CPQ: variants seen among roughly 807,000 people sequenced by gnomAD.
CPQ encodes the protein Ser-Met dipeptidase.
A neutral mutation model predicts 45.7 loss-of-function variants in CPQ; 37 were observed. The observed-to-expected ratio is 0.81, with a 90% CI of 0.62 to 1.07. The LOEUF (loss-of-function observed/expected upper bound fraction) is 1.07. CPQ is among the 50% of genes least tolerant of loss of function. The pLI is 0.00. For missense variants in CPQ, 537 were observed against 572.9 expected (o/e 0.94, Z 0.64); for synonymous variants, 186 against 205.8 (o/e 0.90, Z 0.82).
chr8:97,095,790 AC>A (rs1196237770), intron 7 of CPQ, among the ~76,000 whole-genome samples: 2 of 152,156 alleles, frequency 1.3e-5, no homozygotes, highest in African/African-American at 4.8e-5. Context: ...GTTAGCAATC[AC>A]TATTGTTGTT....
At chr8:96,706,116 C>T (rs966229287) in intron 1 of CPQ, among the ~76,000 whole-genome samples, 1 of 152,148 alleles carries the variant, frequency 6.6e-6, no homozygotes, top group Non-Finnish European at 1.5e-5. Flanking sequence ...TGCTGACAGC[C>T]TGTCTTTGTT....
intron 4 of CPQ, among the ~76,000 whole-genome samples, chr8:96,880,251 G>C (rs1812203188): frequency 6.6e-6 from 1 of 151,992 alleles, no homozygotes; most frequent in African/African-American, 2.4e-5. Flanking sequence ...TGGAGAAAAA[G>C]GAACACTTAT....
intron 1 of CPQ, among the ~76,000 whole-genome samples, chr8:96,687,289 C>T (rs923853015): frequency 6.6e-6 from 1 of 151,508 alleles, no homozygotes; most frequent in East Asian, 1.9e-4. Context: ...CTTAGCTCAT[C>T]GCAACCTCCG....
chr8:96,648,043 A>G (rs16894982), intron 1 of CPQ, among the ~76,000 whole-genome samples: 9,114 of 152,292 alleles, frequency 0.06, 376 homozygotes, highest in East Asian at 0.11. Context: ...TGTAATCCAG[A>G]GACAAGAATG....
In CPQ at chr8:96,825,004, G is replaced by A. The variant is rs150075944; in HGVS notation, c.434-9969G>A. ...CCCTGTGGTGGCCTTCTGTTATTTG[G>A]TACCCAGGATCCATTTTTATTCTAT... On this transcript the variant is annotated intron_variant, in intron 2 of 7. Coordinates refer to ENST00000220763, the MANE Select transcript of CPQ (RefSeq NM_016134.4). Among the ~76,000 whole-genome samples, 802 of 152,070 alleles carry A rather than the reference G, an allele frequency of 5.3e-3. 6 individuals carry two copies. Among genetic ancestry groups the A allele is most frequent in the African/African-American group, 0.018 (744 of 41,530 alleles).
intron 6 of CPQ, among the ~76,000 whole-genome samples, chr8:97,041,280 C>T (rs1005580107): frequency 6.6e-6 from 1 of 152,058 alleles, no homozygotes; most frequent in Non-Finnish European, 1.5e-5. Flanking sequence ...ATTTGGCTCT[C>T]TGTTTGTCTG....
chr8:97,098,699 C>T (rs1231726238), intron 7 of CPQ, among the ~76,000 whole-genome samples: 1 of 152,126 alleles, frequency 6.6e-6, no homozygotes, highest in Admixed American at 6.6e-5. Flanking sequence ...TTAATGGTCA[C>T]AGTACAGGTC....
chr8:97,026,252 T>TCACAA (rs1399861543), intron 5 of CPQ, among the ~76,000 whole-genome samples: 11 of 152,234 alleles, frequency 7.2e-5, no homozygotes, highest in African/African-American at 2.4e-4. Flanking sequence ...GTGCCAGGAC[T>TCACAA]ATGCTTGATA....
At chr8:96,715,211 C>A (rs1448142289) in intron 1 of CPQ, among the ~76,000 whole-genome samples, 1 of 152,082 alleles carries the variant, frequency 6.6e-6, no homozygotes, top group African/African-American at 2.4e-5. Flanking sequence ...GAGGTCCTAG[C>A]CTTGATAGAG....
chr8:96,905,604 A>G (rs546433088), intron 4 of CPQ, among the ~76,000 whole-genome samples: 1 of 152,224 alleles, frequency 6.6e-6, no homozygotes, highest in South Asian at 2.1e-4. Context: ...GGTTTCCCCA[A>G]TAGGGTTGAA....
intron 3 of CPQ, among the ~76,000 whole-genome samples, chr8:96,857,029 C>T (rs1304941314): frequency 6.6e-6 from 1 of 152,146 alleles, no homozygotes; most frequent in Non-Finnish European, 1.5e-5. Flanking sequence ...GGAAATTGTC[C>T]GAGTCTCTCC....
chr8:96,845,246 T>C (rs1163994986), intron 3 of CPQ, among the ~76,000 whole-genome samples: 1 of 152,214 alleles, frequency 6.6e-6, no homozygotes, highest in Non-Finnish European at 1.5e-5. Context: ...AATTTATGTC[T>C]ATCTACCTAC....
At chr8:97,018,336 T>TC (rs1222423822) in intron 5 of CPQ, among the ~76,000 whole-genome samples, 2 of 151,360 alleles carry the variant, frequency 1.3e-5, no homozygotes, top group Non-Finnish European at 2.9e-5. Context: ...TTCTTTAACA[T>TC]CCCCCCAAAA....
chr8:97,133,181 ACT>A lies in CPQ; in HGVS notation c.1256-9831_1256-9830del, dbSNP rs575583865. 2.1e-3 allele frequency: 317 copies of A among 152,172 alleles called. 1 individual carries two copies. Among genetic ancestry groups the A allele is most frequent in the African/African-American group, 7.3e-3 (304 of 41,494 alleles). 9.4% of individuals were successfully genotyped at this position (152,172 alleles called of 1,614,324 possible). Reference sequence around the variant, plus strand: ...CATGCACACATATATACCTATATATACTCTCTCTCCATATATACATATATTTA... The same window carrying A: ...CATGCACACATATATACCTATATATACTCTCTCCATATATACATATATTTA... On this transcript the variant is annotated intron_variant, in intron 7 of 7. Transcript: ENST00000220763.
At chr8:96,842,039 T>A (rs1811619756) in intron 3 of CPQ, among the ~76,000 whole-genome samples, 1 of 152,196 alleles carries the variant, frequency 6.6e-6, no homozygotes, top group Non-Finnish European at 1.5e-5. Flanking sequence ...AGAAAGCATC[T>A]TGATGAGATT....
chr8:96,936,987 T>C (rs1360787193), intron 4 of CPQ, among the ~76,000 whole-genome samples: 1 of 152,040 alleles, frequency 6.6e-6, no homozygotes, highest in Non-Finnish European at 1.5e-5. Flanking sequence ...CCTCCCTCTC[T>C]CCTCCCTCTC....
At chr8:96,821,308 A>G (rs1421275578) in intron 2 of CPQ, among the ~76,000 whole-genome samples, 3 of 151,674 alleles carry the variant, frequency 2.0e-5, no homozygotes, top group Admixed American at 1.3e-4. Flanking sequence ...TCCCAATTAT[A>G]TATTTTTGCT....
At position 96,901,978 on chromosome 8, in the gene CPQ, G is replaced by A. The variant is rs185471779; in HGVS notation, c.849+21973G>A. Among the ~76,000 whole-genome samples, 227 of 152,180 alleles carry A rather than the reference G, an allele frequency of 1.5e-3. 2 individuals carry two copies. Among genetic ancestry groups the A allele is most frequent in the Admixed American group, 0.01 (159 of 15,276 alleles). On this transcript the variant is annotated intron_variant, in intron 4 of 7. Coordinates refer to ENST00000220763, the MANE Select transcript of CPQ (RefSeq NM_016134.4). Reference sequence around the variant, plus strand: ...ACATGTCAAAAATTTCATATTTGTCGTTCCAGGAATTCAGCTTAATAAGAC... The same window carrying A: ...ACATGTCAAAAATTTCATATTTGTCATTCCAGGAATTCAGCTTAATAAGAC...
chr8:96,670,290 CAT>C (rs1442899360), intron 1 of CPQ, among the ~76,000 whole-genome samples: 3 of 149,828 alleles, frequency 2.0e-5, no homozygotes, highest in Non-Finnish European at 4.4e-5. Flanking sequence ...AGGCTAGGAA[CAT>C]GTGTATGGAG....
Sources: allele counts gnomAD v4.1 joint callset (sites outside exome capture counted in the v4.1 genomes callset), GRCh38; gene constraint gnomAD v4.1.1; transcripts MANE v1.5; gene names NCBI Gene and HGNC (gene_info 2026-07-23, HGNC 2026-07-21).